The following DNAH11 variants were observed in gnomAD, a reference collection of about 807,000 sequenced individuals.
DNAH11 encodes the protein axonemal beta dynein heavy chain 11.
DNAH11 carries 442 observed loss-of-function variants against 526.0 expected under a neutral mutation model. The observed-to-expected ratio is 0.84, with a 90% CI of 0.78 to 0.91. The LOEUF (loss-of-function observed/expected upper bound fraction) is 0.91. Among genes scored for constraint, DNAH11 ranks in the 40% least tolerant of loss-of-function variants. The pLI is 0.00. For synonymous variants in DNAH11, 2,461 were observed against 1,935.9 expected (o/e 1.27, Z -7.12); for missense variants, 6,989 against 5,448.7 (o/e 1.28, Z -8.90).
At chr7:21,553,196 TTCC>T (rs36058842) in intron 2 of DNAH11, among the ~76,000 whole-genome samples, 2,654 of 151,820 alleles carry the variant, frequency 0.017, 67 homozygotes, top group African/African-American at 0.06. Flanking sequence ...TTAATTTTCT[TTCC>T]TCCTCCTCTT....
chr7:21,809,590 T>C (rs1280097888), intron 63 of DNAH11, among the ~76,000 whole-genome samples: 2 of 151,960 alleles, frequency 1.3e-5, no homozygotes, highest in African/African-American at 4.8e-5. Flanking sequence ...TGAGACGGAG[T>C]TTCCCTCTTG....
chr7:21,572,630 C>G (rs1454907108), intron 8 of DNAH11, among the ~76,000 whole-genome samples: 1 of 152,140 alleles, frequency 6.6e-6, no homozygotes, highest in Non-Finnish European at 1.5e-5. Context: ...AGCTCTTGTT[C>G]TTATTATTGT....
intron 34 of DNAH11, among the ~76,000 whole-genome samples, chr7:21,688,425 C>A (rs1783475277): frequency 6.6e-6 from 1 of 152,156 alleles, no homozygotes; most frequent in African/African-American, 2.4e-5. Context: ...GCATCACAGG[C>A]CCCAGTCTTT....
intron 12 of DNAH11, among the ~76,000 whole-genome samples, chr7:21,589,988 A>T (rs1784616754): frequency 6.6e-6 from 1 of 152,190 alleles, no homozygotes; most frequent in African/African-American, 2.4e-5. Flanking sequence ...CATAAAACAT[A>T]TTAATATAAA....
intron 5 of DNAH11, among the ~76,000 whole-genome samples, chr7:21,562,405 A>T (rs548816451): frequency 7.2e-5 from 11 of 152,218 alleles, no homozygotes; most frequent in Non-Finnish European, 1.6e-4. Context: ...TATGCAAGGT[A>T]CTAGACATGT....
At chr7:21,672,999 C>T (rs1782705931) in intron 30 of DNAH11, among the ~76,000 whole-genome samples, 1 of 152,174 alleles carries the variant, frequency 6.6e-6, no homozygotes, top group Non-Finnish European at 1.5e-5. Context: ...ATCCTATACA[C>T]CCCAATGGTG....
intron 62 of DNAH11, among the ~76,000 whole-genome samples, chr7:21,804,598 T>G: frequency 6.6e-6 from 1 of 152,166 alleles, no homozygotes; most frequent in Non-Finnish European, 1.5e-5. Context: ...GCCCAAAGCT[T>G]TTGAATCACC....
chr7:21,846,868 GTTAA>G (rs1311148740), intron 66 of DNAH11, among the ~76,000 whole-genome samples: 13 of 152,070 alleles, frequency 8.5e-5, no homozygotes, highest in Non-Finnish European at 1.2e-4. Flanking sequence ...TAATTATTGA[GTTAA>G]TTTATTTAAT....
chr7:21,619,281 G>A, intron 24 of DNAH11, 59 bp downstream of exon 24: 6 of 1,565,172 alleles, frequency 3.8e-6, no homozygotes, highest in Non-Finnish European at 5.2e-6. Context: ...TTGCATAGAA[G>A]CCAACTTAGA....
chr7:21,900,850 C>T (rs1766765304), intron 81 of DNAH11, 157 bp from the exon 82 acceptor site: 1 of 1,278,700 alleles, frequency 7.8e-7, no homozygotes, highest in East Asian at 2.4e-5. Flanking sequence ...ACCTACCTTT[C>T]AAAGCTCAGT....
chr7:21,818,253 T>G lies in DNAH11; in HGVS notation c.10605T>G (p.Gly3535=). ...CCATTGAAACTGCTTTGGCCTTTGG[T>G]GATGTCATCTTAATTGAAAATCTCG... ...LNAIETALAF[G]DVILIENLEE... Residue 3535 remains glycine (G), a synonymous_variant, in exon 65 of 82, where the codon GGT becomes GGG. Coordinates refer to ENST00000409508, the MANE Select transcript of DNAH11 (RefSeq NM_001277115.2). 1 of 1,612,384 alleles carries G rather than the reference T, an allele frequency of 6.2e-7. No homozygotes were observed. Among genetic ancestry groups the G allele is most frequent in the Non-Finnish European group, 8.5e-7 (1 of 1,179,060 alleles).
chr7:21,637,266 T>TA (rs1786909611), intron 26 of DNAH11, among the ~76,000 whole-genome samples: 1 of 151,948 alleles, frequency 6.6e-6, no homozygotes, highest in African/African-American at 2.4e-5. Context: ...CTCCTACTTG[T>TA]CTCCCTTTCT....
At chr7:21,764,578 C>T (rs1014086497) in intron 54 of DNAH11, among the ~76,000 whole-genome samples, 30 of 152,164 alleles carry the variant, frequency 2.0e-4, no homozygotes, top group African/African-American at 7.0e-4. Flanking sequence ...AGGATGCTCA[C>T]TGAACACCTC....
At chr7:21,778,333 T>C (rs1291325390) in intron 56 of DNAH11, among the ~76,000 whole-genome samples, 1 of 152,184 alleles carries the variant, frequency 6.6e-6, no homozygotes, top group Admixed American at 6.5e-5. Flanking sequence ...AGCATACTAA[T>C]ACCCCAAACA....
chr7:21,792,779 CT>C (rs1337264691), intron 61 of DNAH11, among the ~76,000 whole-genome samples: 1 of 151,766 alleles, frequency 6.6e-6, no homozygotes, highest in Non-Finnish European at 1.5e-5. Flanking sequence ...GTCTTCTCTC[CT>C]TTTTTTGCTT....
At chr7:21,808,951 C>T (rs1339917038) in intron 63 of DNAH11, among the ~76,000 whole-genome samples, 1 of 152,080 alleles carries the variant, frequency 6.6e-6, no homozygotes, top group Non-Finnish European at 1.5e-5. Context: ...TTTGAGGAAC[C>T]TCCATACTGT....
Position 21,784,504 on chromosome 7 carries a change from G to C in DNAH11, c.9561G>C (p.Leu3187=), listed in dbSNP as rs6965750. 6.2e-6 allele frequency: 10 copies of C among 1,612,736 alleles called. No individual in the cohort carries two copies. The Admixed American group carries it at 8.4e-5, about 13-fold the overall frequency. Residue 3187 remains leucine (L), a synonymous_variant, in exon 58 of 82, where the codon CTG becomes CTC. Coordinates refer to ENST00000409508, the MANE Select transcript of DNAH11 (RefSeq NM_001277115.2). The part of the protein sequence containing the change: ...EADLLKAEPA[L]VAATAALNTL... ...ACTTACTCAAGGCTGAGCCTGCACTGGTGGCTGCTACAGCTGCACTCAATA... is the reference window on the plus strand; with the variant it reads ...ACTTACTCAAGGCTGAGCCTGCACTCGTGGCTGCTACAGCTGCACTCAATA...
chr7:21,874,179 C>T (rs949528990), intron 74 of DNAH11, among the ~76,000 whole-genome samples: 1 of 151,932 alleles, frequency 6.6e-6, no homozygotes, highest in African/African-American at 2.4e-5. Context: ...TTGATGATGG[C>T]GACAGTAATG....
At chr7:21,800,503 A>G (rs1267302369) in intron 61 of DNAH11, among the ~76,000 whole-genome samples, 1 of 152,064 alleles carries the variant, frequency 6.6e-6, no homozygotes, top group Non-Finnish European at 1.5e-5. Flanking sequence ...GTGGTGGTGC[A>G]CACCTGTAAT....
Sources: allele counts gnomAD v4.1 joint callset (sites outside exome capture counted in the v4.1 genomes callset), GRCh38; gene constraint gnomAD v4.1.1; transcripts MANE v1.5; gene names NCBI Gene and HGNC (gene_info 2026-07-23, HGNC 2026-07-21).